Variants in DCHS2 observed in about 807,000 individuals in gnomAD.
The protein encoded by DCHS2 is protocadherin-23.
In DCHS2, 142 loss-of-function variants were observed where a neutral mutation model predicts 182.4. That is an observed-to-expected ratio of 0.78 (90% CI 0.68 to 0.89). The LOEUF (loss-of-function observed/expected upper bound fraction) is 0.89, where lower values mean the gene tolerates loss of function less well. Among genes scored for constraint, DCHS2 ranks in the 40% least tolerant of loss-of-function variants. DCHS2 has a pLI of 0.00. For missense variants in DCHS2, 4,319 were observed against 4,198.6 expected, an observed-to-expected ratio of 1.03 and a Z score of -0.79; for synonymous variants, 1,740 against 1,663.3, an observed-to-expected ratio of 1.05 and a Z score of -1.12.
In DCHS2 at chr4:154,490,452, G is replaced by C; in HGVS notation, c.904C>G (p.Arg302Gly). The change falls in exon 1 of 20, where the codon CGC becomes GGC. Residue 302 changes from arginine to glycine, a missense_variant. By Grantham distance (125) the Arg-to-Gly change is moderately radical (BLOSUM62 -2). Coordinates refer to ENST00000357232, the MANE Select transcript of DCHS2 (RefSeq NM_001358235.2). ...TGGGCGTCCTCGCGCACCGCGGCGCGGTACTCGTCCTGCTCAAAGACCGGC... is the reference window on the plus strand; with the variant it reads ...TGGGCGTCCTCGCGCACCGCGGCGCCGTACTCGTCCTGCTCAAAGACCGGC... The part of the protein sequence containing the change: ...NPPVFEQDEY[R>G]AAVREDAQPG... The C allele has an allele frequency of 6.5e-7, 1 of 1,535,634 alleles. No individual in the cohort carries two copies. Among genetic ancestry groups the C allele is most frequent in the Non-Finnish European group, 8.7e-7 (1 of 1,145,942 alleles).
At chr4:154,264,088 TG>T (rs1478350900) in intron 14 of DCHS2, among the ~76,000 whole-genome samples, 1 of 152,220 alleles carries the variant, frequency 6.6e-6, no homozygotes, top group Non-Finnish European at 1.5e-5. Context: ...AAACTTAAAC[TG>T]GCTTCTCCCT....
intron 3 of DCHS2, among the ~76,000 whole-genome samples, chr4:154,342,706 T>C (rs767205909): frequency 2.6e-5 from 4 of 152,186 alleles, no homozygotes; most frequent in Non-Finnish European, 5.9e-5. Flanking sequence ...TAATTCTATG[T>C]CTCTTGCTAT....
At chr4:154,275,714 A>C (rs975393871) in intron 13 of DCHS2, among the ~76,000 whole-genome samples, 28 of 152,188 alleles carry the variant, frequency 1.8e-4, no homozygotes, top group African/African-American at 6.5e-4. Flanking sequence ...AGAAACAGCT[A>C]TGCCAACAAA....
chr4:154,334,680 GA>G, intron 4 of DCHS2, 187 bp downstream of exon 4: 10 of 556,700 alleles, frequency 1.8e-5, no homozygotes, highest in South Asian at 7.8e-5. Context: ...TTTGTGATCA[GA>G]AAAAAAATTG....
At position 154,413,273 on chromosome 4, in the gene DCHS2, G is replaced by A. The variant is rs995390036; in HGVS notation, c.2053-35829C>T. 4.6e-5 allele frequency among the ~76,000 whole-genome samples: 7 copies of A among 152,214 alleles called. 1 individual carries two copies. Among genetic ancestry groups the A allele is most frequent in the Non-Finnish European group, 2.9e-5 (2 of 67,998 alleles). ...TTCAATTATACTCACTCCATTAAAT[G>A]TTTCCTCTTCTTCCAAAGTAGAAGC... On this transcript the variant is annotated intron_variant, in intron 1 of 19. Coordinates refer to ENST00000357232, the MANE Select transcript of DCHS2 (RefSeq NM_001358235.2).
At chr4:154,377,202 G>C in intron 2 of DCHS2, 51 bp downstream of exon 2, 1 of 1,537,974 alleles carries the variant, frequency 6.5e-7, no homozygotes. Context: ...TGTATACACA[G>C]TGGCTCACTT....
At chr4:154,365,171 C>G (rs1579010575) in intron 3 of DCHS2, among the ~76,000 whole-genome samples, 1 of 152,076 alleles carries the variant, frequency 6.6e-6, no homozygotes, top group Non-Finnish European at 1.5e-5. Context: ...CTAAAAGGAG[C>G]TTTAGGTATC....
At position 154,377,366 on chromosome 4, in the gene DCHS2, C is replaced by T. The variant is rs746236665; in HGVS notation, c.2131G>A (p.Ala711Thr). 1.2e-6 allele frequency: 2 copies of T among 1,613,380 alleles called. No individual in the cohort carries two copies. Among genetic ancestry groups the T allele is most frequent in the African/African-American group, 1.3e-5 (1 of 74,980 alleles). The change falls in exon 2 of 20, where the codon GCA becomes ACA. Residue 711 changes from alanine (A) to threonine (T), a missense_variant. Ala to Thr is a moderately conservative substitution (Grantham distance 58, BLOSUM62 0). Transcript: ENST00000357232. ...GGGTCGATCCGGAATGCCTGAGGTG[C>T]TTCATAGCTCAGGAATCCATCATAA... is the stretch of plus-strand genomic sequence containing the variant. Reference protein sequence around the residue: ...SLYDGFLSYEAPQAFRIDPHD... With the variant: ...SLYDGFLSYETPQAFRIDPHD...
At chr4:154,256,129 A>G (rs1030626214) in intron 15 of DCHS2, among the ~76,000 whole-genome samples, 7 of 151,826 alleles carry the variant, frequency 4.6e-5, no homozygotes, top group African/African-American at 1.7e-4. Context: ...GAATTTTTTT[A>G]TATTGTATTT....
intron 14 of DCHS2, among the ~76,000 whole-genome samples, chr4:154,268,247 T>C (rs535887842): frequency 2.4e-4 from 33 of 138,234 alleles, no homozygotes; most frequent in African/African-American, 8.8e-4. Context: ...CCCAAAAAAA[T>C]AACGCTTTAC....
At chr4:154,442,189 T>C (rs1252142814) in intron 1 of DCHS2, among the ~76,000 whole-genome samples, 5 of 152,106 alleles carry the variant, frequency 3.3e-5, no homozygotes, top group Non-Finnish European at 1.5e-5. Context: ...TCCTAACTCA[T>C]GGTGCCCCAT....
At chr4:154,297,038 G>A (rs932424001) in intron 13 of DCHS2, among the ~76,000 whole-genome samples, 2 of 152,140 alleles carry the variant, frequency 1.3e-5, no homozygotes, top group South Asian at 2.1e-4. Context: ...TAATCTTCTG[G>A]TGTCTAAAAT....
At chr4:154,480,038 A>C (rs1735860010) in intron 1 of DCHS2, among the ~76,000 whole-genome samples, 1 of 152,194 alleles carries the variant, frequency 6.6e-6, no homozygotes, top group African/African-American at 2.4e-5. Flanking sequence ...TCTATACTTC[A>C]AAGGAGAGTA....
intron 4 of DCHS2, 115 bp from the exon 5 acceptor site, chr4:154,333,609 T>C (rs1728623891): frequency 6.3e-6 from 6 of 954,198 alleles, no homozygotes; most frequent in African/African-American, 3.3e-5. Flanking sequence ...CAGTCAATGA[T>C]GGATCACATA....
At chr4:154,355,479 T>C (rs1235599876) in intron 3 of DCHS2, 1 of 152,208 alleles carries the variant, frequency 6.6e-6, no homozygotes, top group Non-Finnish European at 1.5e-5. Flanking sequence ...TGGCATATAA[T>C]CAAGAAATAA....
At chr4:154,442,541 CCACA>C (rs70947167) in intron 1 of DCHS2, among the ~76,000 whole-genome samples, 1,288 of 49,872 alleles carry the variant, frequency 0.026, 83 homozygotes, top group Non-Finnish European at 0.03. Context: ...CCCCCCCCCC[CCACA>C]CACACACACA....
chr4:154,329,567 G>A lies in DCHS2; in HGVS notation c.3874C>T (p.Pro1292Ser). 6.2e-7 allele frequency: 1 copy of A among 1,613,676 alleles called. No individual in the cohort carries two copies. The highest frequency in any genetic ancestry group is 8.5e-7 in the Non-Finnish European group (1 of 1,179,912). ...CCAGGGAGACACTGGGGGAAGAAGGGCCTGTTATCATTGATGTCAGTAACT... is the reference window on the plus strand; with the variant it reads ...CCAGGGAGACACTGGGGGAAGAAGGACCTGTTATCATTGATGTCAGTAACT... ...VSVTDINDNR[P>S]FFPQCLPGKE... The change falls in exon 6 of 20, where the codon CCC becomes TCC. Residue 1292 changes from proline to serine, a missense_variant. Physicochemically the swap from Pro to Ser is moderately conservative, Grantham distance 74. Transcript: ENST00000357232.
At position 154,294,544 on chromosome 4, in the gene DCHS2, G is replaced by A. The variant is rs537053567; in HGVS notation, c.6463+3307C>T. 7.9e-5 allele frequency among the ~76,000 whole-genome samples: 12 copies of A among 152,224 alleles called. No homozygotes were observed. In the South Asian group the frequency reaches 1.7e-3, roughly 21 times the overall value. ...TGCTATAATAATCCTAATGCTATCC[G>A]CAGCAAATGGATGTGTTTTGTAGAA... On this transcript the variant is annotated intron_variant, in intron 13 of 19. Coordinates refer to ENST00000357232, the MANE Select transcript of DCHS2 (RefSeq NM_001358235.2).
chr4:154,268,357 C>G (rs1398845722), intron 14 of DCHS2, among the ~76,000 whole-genome samples: 1 of 151,950 alleles, frequency 6.6e-6, no homozygotes, highest in Non-Finnish European at 1.5e-5. Flanking sequence ...AATATAAGTA[C>G]TGCAATATGT....
Sources: allele counts gnomAD v4.1 joint callset (sites outside exome capture counted in the v4.1 genomes callset), GRCh38; gene constraint gnomAD v4.1.1; transcripts MANE v1.5; gene names NCBI Gene and HGNC (gene_info 2026-07-23, HGNC 2026-07-21).